Variants in ERBIN observed in about 807,000 individuals in gnomAD.
ERBIN encodes the protein densin-180-like protein.
In ERBIN, 60 loss-of-function variants were observed where a neutral mutation model predicts 158.4. The ratio of observed to expected loss-of-function variants is 0.38; its 90% confidence interval spans 0.31 to 0.47. The LOEUF is 0.47. Among genes scored for constraint, ERBIN ranks in the 20% least tolerant of loss-of-function variants. The pLI, the probability that ERBIN is intolerant of heterozygous loss-of-function variation, is 0.99. For synonymous variants in ERBIN, 594 were observed against 557.2 expected (o/e 1.07, Z -0.93); for missense variants, 1,610 against 1,648.0 (o/e 0.98, Z 0.40).
At chr5:65,994,977 A>C in intron 4 of ERBIN, 113 bp downstream of exon 4, 1 of 660,902 alleles carries the variant, frequency 1.5e-6, no homozygotes, top group South Asian at 1.9e-5. Context: ...CTAATGTATT[A>C]ATATGAACTT....
chr5:66,057,177 T>G (rs1435301694), intron 21 of ERBIN, among the ~76,000 whole-genome samples: 1 of 152,240 alleles, frequency 6.6e-6, no homozygotes, highest in African/African-American at 2.4e-5. Context: ...GAATCCTAGC[T>G]GTGCTGCTCA....
chr5:66,057,258 A>G (rs1759685419), intron 21 of ERBIN, among the ~76,000 whole-genome samples: 1 of 152,168 alleles, frequency 6.6e-6, no homozygotes, highest in African/African-American at 2.4e-5. Flanking sequence ...AGGTGCAATG[A>G]AAGGAACTAC....
Position 66,078,461 on chromosome 5 carries a change from A to C in ERBIN, c.4170A>C (p.Gln1390His). The C allele has an allele frequency of 1.3e-6, 2 of 1,593,120 alleles. No individual in the cohort carries two copies. The highest frequency in any genetic ancestry group is 1.7e-6 in the Non-Finnish European group (2 of 1,174,178). Residue 1390 changes from glutamine to histidine, a missense_variant, in exon 26 of 26, where the codon CAA becomes CAC. By Grantham distance (24) the Gln-to-His change is conservative (BLOSUM62 0). Around this residue, in one of 2 missense-constraint regions of ERBIN, gnomAD observed 1,014 missense variants for 936.1 expected, o/e 1.08. Transcript: ENST00000284037. The part of the protein sequence containing the change: ...GYSFINIEHG[Q>H]AVSLLKTFQN... The stretch of plus-strand genomic sequence containing the variant: ...GTTTTATAAATATTGAACATGGACA[A>C]GCAGTGTCCTTGCTAAAAACTTTCC...
intron 1 of ERBIN, among the ~76,000 whole-genome samples, chr5:65,979,161 T>A (rs371114903): frequency 9.1e-4 from 139 of 152,254 alleles, no homozygotes; most frequent in African/African-American, 3.2e-3. Context: ...GCGTGGTGGC[T>A]TATGCCTGTA....
In ERBIN at chr5:66,075,202, G is replaced by T. The variant is rs764484457; in HGVS notation, c.3935G>T (p.Arg1312Ile). ...PPYTQPHCSP[R>I]QGHELAKQEI... ...TATACACAGCCCCATTGTTCTCCTAGACAAGGCCATGAACTGGCAAAACAA... is the reference window on the plus strand; with the variant it reads ...TATACACAGCCCCATTGTTCTCCTATACAAGGCCATGAACTGGCAAAACAA... Residue 1312 changes from arginine to isoleucine, a missense_variant, in exon 23 of 26, where the codon AGA becomes ATA. Physicochemically the swap from Arg to Ile is moderately conservative, Grantham distance 97. Coordinates refer to ENST00000284037, the MANE Select transcript of ERBIN (RefSeq NM_001253697.2). The T allele has an allele frequency of 6.2e-7, 1 of 1,614,150 alleles. No homozygotes were observed. Among genetic ancestry groups the T allele is most frequent in the South Asian group, 1.1e-5 (1 of 91,076 alleles).
chr5:65,926,839 A>G (rs1742709544), intron 1 of ERBIN, 33 bp downstream of exon 1: 1 of 152,102 alleles, frequency 6.6e-6, no homozygotes, highest in African/African-American at 2.4e-5. Flanking sequence ...CTGAGTCACA[A>G]AGTTCATGGG....
At chr5:66,049,316 C>T (rs1459877863) in intron 19 of ERBIN, among the ~76,000 whole-genome samples, 1 of 152,030 alleles carries the variant, frequency 6.6e-6, no homozygotes, top group African/African-American at 2.4e-5. Flanking sequence ...TCCCTCACCC[C>T]TCCCCTCTAG....
At chr5:65,969,767 A>C (rs1749044006) in intron 1 of ERBIN, among the ~76,000 whole-genome samples, 1 of 152,184 alleles carries the variant, frequency 6.6e-6, no homozygotes, top group South Asian at 2.1e-4. Flanking sequence ...GAGCAAAAAC[A>C]AATAAAAACC....
intron 2 of ERBIN, among the ~76,000 whole-genome samples, chr5:65,989,209 T>C (rs1294029138): frequency 1.3e-5 from 2 of 152,166 alleles, no homozygotes; most frequent in Non-Finnish European, 2.9e-5. Context: ...CCTTGTGTTA[T>C]TCTGTAAAGG....
chr5:65,958,556 G>A (rs1268559432), intron 1 of ERBIN, among the ~76,000 whole-genome samples: 1 of 151,702 alleles, frequency 6.6e-6, no homozygotes, highest in African/African-American at 2.4e-5. Context: ...GTTGCAGTGA[G>A]CAGAAATGGC....
chr5:65,942,351 T>C (rs957365880), intron 1 of ERBIN, among the ~76,000 whole-genome samples: 4 of 152,224 alleles, frequency 2.6e-5, no homozygotes, highest in African/African-American at 9.6e-5. Flanking sequence ...ATACAGTTTC[T>C]TTAGAATAAT....
chr5:65,954,559 T>G (rs1047840315), intron 1 of ERBIN, among the ~76,000 whole-genome samples: 1 of 152,184 alleles, frequency 6.6e-6, no homozygotes, highest in Non-Finnish European at 1.5e-5. Flanking sequence ...TAGTTTGATT[T>G]GTTTCATAGT....
chr5:65,943,172 T>G (rs1745277877), intron 1 of ERBIN, among the ~76,000 whole-genome samples: 1 of 152,242 alleles, frequency 6.6e-6, no homozygotes, highest in South Asian at 2.1e-4. Flanking sequence ...TGTCCCTGAT[T>G]GTTGCTGATA....
intron 20 of ERBIN, 63 bp downstream of exon 20, chr5:66,051,029 CAA>C: frequency 1.9e-6 from 2 of 1,041,284 alleles, no homozygotes; most frequent in Non-Finnish European, 2.8e-6. Flanking sequence ...AGGCAGATAA[CAA>C]ATACATAAAT....
intron 1 of ERBIN, among the ~76,000 whole-genome samples, chr5:65,960,127 TTCA>T (rs762045574): frequency 1.3e-5 from 2 of 152,380 alleles, no homozygotes; most frequent in Admixed American, 6.5e-5. Flanking sequence ...TTGCAGTATA[TTCA>T]TATGCTGGAA....
In ERBIN at chr5:66,081,977, C is replaced by A. The variant is rs1307113105; in HGVS notation, c.*3447C>A. ...GTATTCCTTTGTTTCTAAATAAGGA[C>A]CTTCAGAAAAAGTTGACCATATTCT... On this transcript the variant is annotated 3_prime_UTR_variant, in exon 26 of 26. Coordinates refer to ENST00000284037, the MANE Select transcript of ERBIN (RefSeq NM_001253697.2). The A allele has an allele frequency of 2.6e-5, 4 of 151,760 alleles. No homozygotes were observed. Among genetic ancestry groups the A allele is most frequent in the Non-Finnish European group, 5.9e-5 (4 of 67,942 alleles). 9.4% of individuals were successfully genotyped at this position (151,760 alleles called of 1,614,324 possible).
In ERBIN at chr5:66,054,847, G is replaced by T; in HGVS notation, c.3529G>T (p.Val1177Phe). Reference sequence around the variant, plus strand: ...TCCTTCAAAAAGACCAAATGCAAGGGTTGGTTCTGAGCATTCTTTATTAGA... The same window carrying T: ...TCCTTCAAAAAGACCAAATGCAAGGTTTGGTTCTGAGCATTCTTTATTAGA... ...TSPSKRPNAR[V>F]GSEHSLLDPP... Residue 1177 changes from valine (V) to phenylalanine (F), a missense_variant, in exon 21 of 26, where the codon GTT becomes TTT. Coordinates refer to ENST00000284037, the MANE Select transcript of ERBIN (RefSeq NM_001253697.2). 1.2e-6 allele frequency: 2 copies of T among 1,614,074 alleles called. No homozygotes were observed. The highest frequency in any genetic ancestry group is 1.7e-6 in the Non-Finnish European group (2 of 1,179,964).
At chr5:66,060,342 T>A (rs1034533243) in intron 21 of ERBIN, among the ~76,000 whole-genome samples, 3 of 152,098 alleles carry the variant, frequency 2.0e-5, no homozygotes, top group East Asian at 1.9e-4. Flanking sequence ...TGTTTTTAGT[T>A]TTCTCTGATG....
chr5:66,018,539 A>ATATATAT (rs1411187908), intron 7 of ERBIN, among the ~76,000 whole-genome samples: 109 of 9,500 alleles, frequency 0.011, 30 homozygotes, highest in Non-Finnish European at 0.024. Flanking sequence ...ATATTATATA[A>ATATATAT]TATATATTAT....
Sources: allele counts gnomAD v4.1 joint callset (sites outside exome capture counted in the v4.1 genomes callset), GRCh38; gene constraint gnomAD v4.1.1; regional missense constraint gnomAD v4.1.1; transcripts MANE v1.5; gene names NCBI Gene and HGNC (gene_info 2026-07-23, HGNC 2026-07-21).